SEC14L5: variants seen among roughly 807,000 people sequenced by gnomAD.
SEC14L5 encodes SEC14 like lipid binding 5, also known as SEC14-like protein 5.
In SEC14L5, 96 loss-of-function variants were observed where a neutral mutation model predicts 84.6. The observed-to-expected ratio is 1.13, with a 90% CI of 0.96 to 1.34. The LOEUF (loss-of-function observed/expected upper bound fraction) is 1.34. Among genes scored for constraint, SEC14L5 ranks in the 40% most tolerant of loss-of-function variants. The pLI, the probability that SEC14L5 is intolerant of heterozygous loss-of-function variation, is 0.00. For synonymous variants in SEC14L5, 546 were observed against 383.4 expected, an observed-to-expected ratio of 1.42 and a Z score of -4.95; for missense variants, 1,224 against 942.5, an observed-to-expected ratio of 1.30 and a Z score of -3.91.
Position 5,011,126 on chromosome 16 carries a change from A to G in SEC14L5, c.1832A>G (p.Tyr611Cys), listed in dbSNP as rs1955795757. Residue 611 changes from tyrosine (Y) to cysteine (C), a missense_variant, in exon 15 of 16, where the codon TAC becomes TGC. Physicochemically the swap from Tyr to Cys is radical, Grantham distance 194. Coordinates refer to ENST00000251170, the MANE Select transcript of SEC14L5 (RefSeq NM_014692.2). Reference sequence around the variant, plus strand: ...CATGTGACCCGGTGGCCCGGCGTCTACCTGCTCCAGTGGCAAATGCACAGC... The same window carrying G: ...CATGTGACCCGGTGGCCCGGCGTCTGCCTGCTCCAGTGGCAAATGCACAGC... The part of the protein sequence containing the change: ...GSHVTRWPGV[Y>C]LLQWQMHSPP... 3 of 1,609,806 alleles carry G rather than the reference A, an allele frequency of 1.9e-6. No individual in the cohort carries two copies. Among genetic ancestry groups the G allele is most frequent in the Admixed American group, 1.7e-5 (1 of 59,400 alleles).
Position 4,991,846 on chromosome 16 carries a change from G to C in SEC14L5, c.483G>C (p.Glu161Asp). 1 of 1,604,196 alleles carries C rather than the reference G, an allele frequency of 6.2e-7. No homozygotes were observed. The highest frequency in any genetic ancestry group is 1.3e-5 in the African/African-American group (1 of 74,846). Residue 161 changes from glutamate (E) to aspartate (D), a missense_variant, in exon 6 of 16, where the codon GAG becomes GAC. By Grantham distance (45) the Glu-to-Asp change is conservative (BLOSUM62 2). Transcript: ENST00000251170. ...QYTANVKRGK[E>D]VIEHYLNELI... ...GTCTCTCTGGCTTCCAGGGGAAGGA[G>C]GTGATTGAGCATTACCTGAATGAGC...
intron 2 of SEC14L5, among the ~76,000 whole-genome samples, chr16:4,967,613 C>T (rs1299201751): frequency 7.1e-6 from 1 of 141,326 alleles, no homozygotes; most frequent in Non-Finnish European, 1.5e-5. Context: ...TGCTCTGTCG[C>T]CCAGACTAGA....
In SEC14L5 at chr16:4,988,292, C is replaced by G; in HGVS notation, c.345+12C>G. ...ACTGCAGCTACACGGTGAGCCCAGG[C>G]CACCCTCAGCGCCCACGCCCGGCAC... On this transcript the variant is annotated intron_variant, in intron 4 of 15. Transcript: ENST00000251170. 6.2e-7 allele frequency: 1 copy of G among 1,612,832 alleles called. No homozygotes were observed. The highest frequency in any genetic ancestry group is 1.3e-5 in the African/African-American group (1 of 75,026).
intron 2 of SEC14L5, among the ~76,000 whole-genome samples, chr16:4,979,041 C>T (rs1253692323): frequency 6.6e-6 from 1 of 152,206 alleles, no homozygotes; most frequent in Non-Finnish European, 1.5e-5. Flanking sequence ...TTAATATCTT[C>T]TCCAAGTCAG....
chr16:4,977,796 A>T (rs899500002), intron 2 of SEC14L5, among the ~76,000 whole-genome samples: 10 of 151,266 alleles, frequency 6.6e-5, no homozygotes, highest in African/African-American at 2.2e-4. Context: ...TTTTTATTTT[A>T]TTTATTTATT....
At chr16:4,987,317 C>G (rs965145127) in intron 2 of SEC14L5, among the ~76,000 whole-genome samples, 20 of 151,578 alleles carry the variant, frequency 1.3e-4, no homozygotes, top group Non-Finnish European at 2.5e-4. Flanking sequence ...AGGGCAAAAA[C>G]TCAAATGCAG....
chr16:4,961,151 T>A (rs1596609587), intron 2 of SEC14L5, among the ~76,000 whole-genome samples: 1 of 151,258 alleles, frequency 6.6e-6, no homozygotes, highest in Non-Finnish European at 1.5e-5. Context: ...CGCGCACCTG[T>A]AGTCCCATCT....
At chr16:4,974,547 A>C (rs1411042670) in intron 2 of SEC14L5, among the ~76,000 whole-genome samples, 2 of 151,808 alleles carry the variant, frequency 1.3e-5, no homozygotes, top group Non-Finnish European at 2.9e-5. Flanking sequence ...TATGATAATT[A>C]TATTTTAATT....
Position 4,969,885 on chromosome 16 carries a change from A to T in SEC14L5, c.63+10499A>T, listed in dbSNP as rs149629099. On this transcript the variant is annotated intron_variant, in intron 2 of 15. Coordinates refer to ENST00000251170, the MANE Select transcript of SEC14L5 (RefSeq NM_014692.2). Reference sequence around the variant, plus strand: ...CAGGCTGGGGTGCAGCGGCACGATCACAGCTCACTGCAGCCTCAACCTTGC... The same window carrying T: ...CAGGCTGGGGTGCAGCGGCACGATCTCAGCTCACTGCAGCCTCAACCTTGC... Among the ~76,000 whole-genome samples the T allele has an allele frequency of 3.4e-4, 50 of 148,866 alleles. No homozygotes were observed. In the East Asian group the frequency reaches 8.1e-3, roughly 24 times the overall value.
chr16:4,992,257 C>G (rs1194498537), intron 6 of SEC14L5, among the ~76,000 whole-genome samples: 1 of 151,270 alleles, frequency 6.6e-6, no homozygotes, highest in African/African-American at 2.5e-5. Flanking sequence ...CTTTTCTTTT[C>G]TTTTCTTTTT....
rs1955868512 is a variant in SEC14L5 at position 5,015,684 on chromosome 16, G to C, written c.*714G>C. On this transcript the variant is annotated 3_prime_UTR_variant, in exon 16 of 16. Coordinates refer to ENST00000251170, the MANE Select transcript of SEC14L5 (RefSeq NM_014692.2). ...TAAGAAGAAGGAGGAAGGATGCTGG[G>C]GAGGCAGAAATGAAGGGTGTTTACC... The C allele has an allele frequency of 6.6e-6, 1 of 152,494 alleles. No individual in the cohort carries two copies. Among genetic ancestry groups the C allele is most frequent in the African/African-American group, 2.4e-5 (1 of 41,480 alleles). 9.4% of individuals were successfully genotyped at this position (152,494 alleles called of 1,614,324 possible).
Position 4,985,933 on chromosome 16 carries a change from T to C in SEC14L5, c.64-1624T>C, listed in dbSNP as rs1367235229. Reference sequence around the variant, plus strand: ...GGTATAAATATTTGTGTATAATTTTTTTGTGTGGACTTATGTTTTCATTTA... The same window carrying C: ...GGTATAAATATTTGTGTATAATTTTCTTGTGTGGACTTATGTTTTCATTTA... On this transcript the variant is annotated intron_variant, in intron 2 of 15. Transcript: ENST00000251170. Among the ~76,000 whole-genome samples, 7 of 152,144 alleles carry C rather than the reference T, an allele frequency of 4.6e-5. No homozygotes were observed. In the East Asian group the frequency reaches 1.3e-3, roughly 29 times the overall value.
At chr16:4,988,017 G>C (rs1955511779) in intron 3 of SEC14L5, 132 bp from the exon 4 acceptor site, 6 of 972,376 alleles carry the variant, frequency 6.2e-6, no homozygotes, top group Non-Finnish European at 1.5e-6. Context: ...GTCCGGGCTG[G>C]GTGGGCGGTG....
rs867469202 is a variant in SEC14L5, at chr16:4,959,175, G to T, written c.-51-98G>T. On this transcript the variant is annotated intron_variant, in intron 1 of 15. Coordinates refer to ENST00000251170, the MANE Select transcript of SEC14L5 (RefSeq NM_014692.2). ...TTCTCAATTTGAAGGCTGGGGAGCT[G>T]TGTGGGTGGGGCCAGGGGCTGCCCC... is the stretch of plus-strand genomic sequence containing the variant. 131 of 657,478 alleles carry T rather than the reference G, an allele frequency of 2.0e-4. 1 individual carries two copies. In the Middle Eastern group the frequency reaches 2.2e-3, roughly 11 times the overall value. The allele number at this position is 657,478 out of a possible 1,614,324, so 40.7% of individuals were successfully genotyped here. A position where few individuals can be genotyped will look rare whatever the true frequency, so the allele number is the denominator to read the frequency against.
chr16:4,977,445 T>C (rs1955357002), intron 2 of SEC14L5, among the ~76,000 whole-genome samples: 1 of 2,082 alleles, frequency 4.8e-4, no homozygotes, highest in Admixed American at 7.0e-3. Flanking sequence ...AGACTCCGTC[T>C]CAAAAAAAAA....
intron 10 of SEC14L5, among the ~76,000 whole-genome samples, chr16:5,002,715 G>A (rs1237425861): frequency 1.3e-5 from 2 of 152,136 alleles, no homozygotes; most frequent in Non-Finnish European, 2.9e-5. Context: ...CAGTCAAACA[G>A]TTATTTTCCT....
At chr16:4,982,572 T>G (rs1282966407) in intron 2 of SEC14L5, among the ~76,000 whole-genome samples, 1 of 152,154 alleles carries the variant, frequency 6.6e-6, no homozygotes, top group African/African-American at 2.4e-5. Flanking sequence ...AGCCTGGGGC[T>G]GACCTGAATT....
chr16:5,003,616 T>TGGGGG, intron 11 of SEC14L5, 43 bp downstream of exon 11: 3 of 130,938 alleles, frequency 2.3e-5, no homozygotes, highest in South Asian at 5.8e-5. Flanking sequence ...TGGGGGTGGG[T>TGGGGG]GGGATGGGAG....
chr16:4,958,604 CTACGTGTGTG>C (rs943373451), intron 1 of SEC14L5, among the ~76,000 whole-genome samples, 159 bp downstream of exon 1: 3 of 152,146 alleles, frequency 2.0e-5, no homozygotes, highest in South Asian at 2.1e-4. Flanking sequence ...GCGATTGCCT[CTACGTGTGTG>C]TACGTGTGTG....
Sources: allele counts gnomAD v4.1 joint callset (sites outside exome capture counted in the v4.1 genomes callset), GRCh38; gene constraint gnomAD v4.1.1; transcripts MANE v1.5; gene names NCBI Gene and HGNC (gene_info 2026-07-23, HGNC 2026-07-21).